AFG2A: variants seen among roughly 807,000 people sequenced by gnomAD.
AFG2A encodes the protein AAA ATPase AFG2A, also known as ATPase family gene 2 protein homolog A.
chr4:122,980,980 C>T, the AFG2A span, among the ~76,000 whole-genome samples: 1 of 152,028 alleles, frequency 6.6e-6, no homozygotes, highest in African/African-American at 2.4e-5. Flanking sequence ...GTTTCCTTTG[C>T]TGTGCAGAAC....
At chr4:122,967,102 A>C in the AFG2A span, among the ~76,000 whole-genome samples, 1 of 152,198 alleles carries the variant, frequency 6.6e-6, no homozygotes, top group Admixed American at 6.5e-5. Flanking sequence ...AACTATTTTT[A>C]AAAAATATTT....
the AFG2A span, among the ~76,000 whole-genome samples, chr4:123,237,130 ATC>A: frequency 1.3e-5 from 2 of 152,226 alleles, no homozygotes; most frequent in Non-Finnish European, 2.9e-5. Flanking sequence ...TATAGGCTAC[ATC>A]TGTTATTCCT....
At chr4:123,047,589 T>C in the AFG2A span, among the ~76,000 whole-genome samples, 2 of 152,284 alleles carry the variant, frequency 1.3e-5, no homozygotes, top group Non-Finnish European at 2.9e-5. Flanking sequence ...TTTTTGCCTT[T>C]GTTACCTGTA....
At chr4:123,181,049 A>G in the AFG2A span, among the ~76,000 whole-genome samples, 1 of 144,048 alleles carries the variant, frequency 6.9e-6, no homozygotes, top group Non-Finnish European at 1.5e-5. Context: ...CAGTGGCGCG[A>G]TCTCGGCTCA....
At chr4:123,084,552 C>T in the AFG2A span, among the ~76,000 whole-genome samples, 1 of 148,834 alleles carries the variant, frequency 6.7e-6, no homozygotes, top group South Asian at 2.1e-4. Context: ...AGATATATAT[C>T]TATAAAACTA....
chr4:123,197,940 G>A, the AFG2A span, among the ~76,000 whole-genome samples: 2 of 151,970 alleles, frequency 1.3e-5, no homozygotes, highest in East Asian at 3.9e-4. Flanking sequence ...AATAGAAACA[G>A]ATTTTGAAGC....
chr4:122,947,193 C>G, the AFG2A span: 4 of 1,470,918 alleles, frequency 2.7e-6, no homozygotes, highest in African/African-American at 2.9e-5. Context: ...TTTTTTCTAA[C>G]TTTCAGAAAA....
chr4:122,964,976 A>G, the AFG2A span, among the ~76,000 whole-genome samples: 4 of 152,220 alleles, frequency 2.6e-5, no homozygotes, highest in Non-Finnish European at 5.9e-5. Flanking sequence ...CAAATTTTTT[A>G]GAGTTCTGAT....
chr4:123,303,254 A>C, the AFG2A span, among the ~76,000 whole-genome samples: 1 of 152,200 alleles, frequency 6.6e-6, no homozygotes, highest in African/African-American at 2.4e-5. Flanking sequence ...CAATTTTATA[A>C]ATTTTTAAAA....
chr4:123,249,274 G>A, the AFG2A span, among the ~76,000 whole-genome samples: 41 of 152,298 alleles, frequency 2.7e-4, no homozygotes, highest in African/African-American at 8.4e-4. Flanking sequence ...TGCGAAAACA[G>A]GGAGGCAGAA....
the AFG2A span, among the ~76,000 whole-genome samples, chr4:123,018,307 G>A: frequency 6.6e-6 from 1 of 152,110 alleles, no homozygotes; most frequent in Non-Finnish European, 1.5e-5. Context: ...AAGATCGGAT[G>A]CAAATATTAT....
At chr4:123,070,745 G>C in the AFG2A span, among the ~76,000 whole-genome samples, 6 of 151,974 alleles carry the variant, frequency 3.9e-5, no homozygotes. Context: ...ATGATCCTTC[G>C]CATGTTTTGA....
the AFG2A span, among the ~76,000 whole-genome samples, chr4:123,120,399 A>G: frequency 3.9e-5 from 6 of 152,192 alleles, no homozygotes; most frequent in Non-Finnish European, 8.8e-5. Context: ...TGCACTTGTG[A>G]CATCATTTTA....
the AFG2A span, among the ~76,000 whole-genome samples, chr4:123,207,418 A>T: frequency 0.015 from 2,255 of 151,176 alleles, 60 homozygotes; most frequent in African/African-American, 0.052. Flanking sequence ...GACGCAAGCC[A>T]TCCTCCCACT....
the AFG2A span, among the ~76,000 whole-genome samples, chr4:123,070,592 A>C: frequency 1.3e-5 from 2 of 152,186 alleles, no homozygotes; most frequent in African/African-American, 2.4e-5. Context: ...CTTTCTTACA[A>C]GGATACTAAT....
chr4:123,271,808 C>G, the AFG2A span, among the ~76,000 whole-genome samples: 2 of 151,940 alleles, frequency 1.3e-5, no homozygotes, highest in African/African-American at 4.8e-5. Context: ...GTAACTTACA[C>G]TGGAAAGCTA....
At chr4:123,169,421 C>T in the AFG2A span, among the ~76,000 whole-genome samples, 1 of 152,182 alleles carries the variant, frequency 6.6e-6, no homozygotes, top group Non-Finnish European at 1.5e-5. Flanking sequence ...AGGATTAGTC[C>T]GACGTATTAC....
the AFG2A span, among the ~76,000 whole-genome samples, chr4:123,211,718 T>G: frequency 1.3e-5 from 2 of 152,170 alleles, no homozygotes; most frequent in South Asian, 4.1e-4. Flanking sequence ...AAATGGAGAT[T>G]AATCTTGAAA....
the AFG2A span, chr4:122,936,200 G>A: frequency 7.3e-6 from 11 of 1,503,804 alleles, no homozygotes; most frequent in Non-Finnish European, 1.0e-5. Context: ...AATCAAGGCT[G>A]TATTAGTCAA....
Sources: gnomAD v4.1 joint callset for allele counts (sites outside exome capture counted in the v4.1 genomes callset) on GRCh38, gnomAD v4.1.1 for gene constraint, MANE v1.5 for transcripts, NCBI Gene and HGNC (gene_info 2026-07-23, HGNC 2026-07-21) for gene names.